Variants in TTBK1 observed in about 807,000 individuals in gnomAD.
TTBK1 encodes the protein tau-tubulin kinase 1.
Under a neutral mutation model 108.5 loss-of-function variants are expected in TTBK1, and 34 were observed. The observed-to-expected ratio is 0.31, with a 90% CI of 0.24 to 0.42. TTBK1 has a LOEUF of 0.42. Ranked by LOEUF, TTBK1 falls within the 10% of genes least tolerant of loss-of-function variation. The probability of loss-of-function intolerance (pLI) is 1.00; values close to 1 mark genes in which losing one functional copy is unlikely to be tolerated. For missense variants in TTBK1, 1,539 were observed against 1,826.0 expected, an observed-to-expected ratio of 0.84 and a Z score of 2.86; for synonymous variants, 809 against 795.1, an observed-to-expected ratio of 1.02 and a Z score of -0.29.
At chr6:43,260,314 C>G (rs1056900933) in intron 12 of TTBK1, among the ~76,000 whole-genome samples, 16 of 152,140 alleles carry the variant, frequency 1.1e-4, no homozygotes, top group Non-Finnish European at 2.9e-5. Flanking sequence ...GGCCCGGTCC[C>G]CATCTGTGCT....
intron 1 of TTBK1, among the ~76,000 whole-genome samples, chr6:43,245,042 G>A (rs918639064): frequency 3.9e-5 from 6 of 152,106 alleles, no homozygotes; most frequent in Admixed American, 1.3e-4. Context: ...GAGTGGCAGC[G>A]TCCCTCCCCA....
At chr6:43,275,815 T>G (rs1777968673) in intron 13 of TTBK1, among the ~76,000 whole-genome samples, 3 of 135,866 alleles carry the variant, frequency 2.2e-5, no homozygotes, top group African/African-American at 5.6e-5. Context: ...CCCCCGAAAA[T>G]AAAACTCAGG....
rs529715862 is a variant in TTBK1, at chr6:43,253,813, G to A, written c.471+105G>A. On this transcript the variant is annotated intron_variant, in intron 5 of 14. Coordinates refer to ENST00000259750, the MANE Select transcript of TTBK1 (RefSeq NM_032538.3). The surrounding 1 kb of genome is among the most constrained non-coding windows in gnomAD (Gnocchi z 5.8). ...TCCTCTGCAACCATGGTTGGGACTTGTGATGGGACAGCCTCTTCTCCCCAA... is the reference window on the plus strand; with the variant it reads ...TCCTCTGCAACCATGGTTGGGACTTATGATGGGACAGCCTCTTCTCCCCAA... 12 of 1,411,240 alleles carry A rather than the reference G, an allele frequency of 8.5e-6. No individual in the cohort carries two copies. The highest frequency in any genetic ancestry group is 7.5e-5 in the East Asian group (3 of 40,036). 87.4% of individuals were successfully genotyped at this position (1,411,240 alleles called of 1,614,324 possible).
chr6:43,283,895 C>T lies in TTBK1; in HGVS notation c.3155C>T (p.Pro1052Leu), dbSNP rs760305435. The T allele has an allele frequency of 2.5e-6, 4 of 1,612,138 alleles. No homozygotes were observed. In the South Asian group the frequency reaches 4.4e-5, roughly 18 times the overall value. Residue 1052 changes from proline (P) to leucine (L), a missense_variant, in exon 14 of 15, where the codon CCC becomes CTC. Around this residue, in one of 5 missense-constraint regions of TTBK1, gnomAD observed 1,055 missense variants for 1,086.5 expected, o/e 0.97. Coordinates refer to ENST00000259750, the MANE Select transcript of TTBK1 (RefSeq NM_032538.3). This position sits in a 1 kb window ranked among gnomAD's most constrained non-coding sequence, Gnocchi z 8.1. Reference sequence around the variant, plus strand: ...CGCCATGCTATGCCAGGCTCTCGCCCCAGGAGCCGTATCCCTGTCCTGCTC... The same window carrying T: ...CGCCATGCTATGCCAGGCTCTCGCCTCAGGAGCCGTATCCCTGTCCTGCTC... ...PRRHAMPGSR[P>L]RSRIPVLLSE...
chr6:43,285,457 C>T lies in TTBK1; in HGVS notation c.*81C>T. The T allele has an allele frequency of 1.6e-6, 2 of 1,232,520 alleles. No individual in the cohort carries two copies. The highest frequency in any genetic ancestry group is 2.0e-6 in the Non-Finnish European group (2 of 989,172). 76.3% of individuals were successfully genotyped at this position (1,232,520 alleles called of 1,614,324 possible). ...CCGGCCACACTGGAGCAGCTCCCAG[C>T]ACAGCCTTACGCGCCCGACGCGCGC... On this transcript the variant is annotated 3_prime_UTR_variant, in exon 15 of 15. Coordinates refer to ENST00000259750, the MANE Select transcript of TTBK1 (RefSeq NM_032538.3). The surrounding 1 kb of genome is among the most constrained non-coding windows in gnomAD (Gnocchi z 4.7).
intron 13 of TTBK1, chr6:43,271,924 C>G (rs1478636556): frequency 1.0e-6 from 1 of 984,026 alleles, no homozygotes; most frequent in Non-Finnish European, 1.2e-6. Context: ...ACCCAAGCCT[C>G]TGTTGCCCTC....
At position 43,283,741 on chromosome 6, in the gene TTBK1, G is replaced by T; in HGVS notation, c.3001G>T (p.Ala1001Ser). Reference protein sequence around the residue: ...AEIEGSALSGAPRETPSEMAT... With the variant: ...AEIEGSALSGSPRETPSEMAT... Reference sequence around the variant, plus strand: ...GATAGAGGGCTCTGCCCTGTCTGGGGCCCCCCGGGAAACCCCCTCAGAGAT... The same window carrying T: ...GATAGAGGGCTCTGCCCTGTCTGGGTCCCCCCGGGAAACCCCCTCAGAGAT... Residue 1001 changes from alanine to serine, a missense_variant, in exon 14 of 15, where the codon GCC (alanine) becomes TCC (serine). Physicochemically the swap from Ala to Ser is moderately conservative, Grantham distance 99 (BLOSUM62 1). This residue lies in a region of TTBK1 where 1,055 missense variants were observed against 1,086.5 expected (regional missense o/e 0.97). Transcript: ENST00000259750. This position sits in a 1 kb window ranked among gnomAD's most constrained non-coding sequence, Gnocchi z 8.1. 2 of 1,612,224 alleles carry T rather than the reference G, an allele frequency of 1.2e-6. No homozygotes were observed. Among genetic ancestry groups the T allele is most frequent in the South Asian group, 1.1e-5 (1 of 91,056 alleles).
rs1296644902 is a variant in TTBK1, at chr6:43,259,478, C to T, written c.1249-53C>T. On this transcript the variant is annotated intron_variant, in intron 11 of 14. Coordinates refer to ENST00000259750, the MANE Select transcript of TTBK1 (RefSeq NM_032538.3). The surrounding 1 kb of genome is among the most constrained non-coding windows in gnomAD (Gnocchi z 6.7). ...GTCTCCTTCACCCTGAGGAGACCAT[C>T]CGCCCACAGCCGCCTCATCAGCCCC... is the stretch of plus-strand genomic sequence containing the variant. The T allele has an allele frequency of 1.3e-6, 2 of 1,501,980 alleles. No individual in the cohort carries two copies. The highest frequency in any genetic ancestry group is 4.6e-5 in the East Asian group (2 of 43,284). 93.0% of individuals were successfully genotyped at this position (1,501,980 alleles called of 1,614,324 possible). A position where few individuals can be genotyped will look rare whatever the true frequency, so the allele number is the denominator to read the frequency against.
At position 43,283,282 on chromosome 6, in the gene TTBK1, C is replaced by T. The variant is rs777895068; in HGVS notation, c.2542C>T (p.Pro848Ser). The T allele has an allele frequency of 3.6e-5, 56 of 1,564,056 alleles. No homozygotes were observed. The highest frequency in any genetic ancestry group is 4.6e-5 in the Non-Finnish European group (53 of 1,154,506). Residue 848 changes from proline (P) to serine (S), a missense_variant, in exon 14 of 15, where the codon CCC (proline) becomes TCC (serine). Transcript: ENST00000259750. The surrounding 1 kb of genome is among the most constrained non-coding windows in gnomAD (Gnocchi z 8.1). ...LVSPGDMKKS[P>S]VTAELAPDPD... ...CTCTCCTGGCGACATGAAGAAGTCG[C>T]CCGTCACTGCCGAACTGGCCCCCGA...
At chr6:43,250,348 CTTT>C (rs555371314) in intron 2 of TTBK1, among the ~76,000 whole-genome samples, 11 of 89,112 alleles carry the variant, frequency 1.2e-4, no homozygotes, top group African/African-American at 1.3e-4. Flanking sequence ...CCTGGCTTTG[CTTT>C]TTTTTTTTTT....
At chr6:43,262,618 T>C (rs1777571418) in intron 12 of TTBK1, among the ~76,000 whole-genome samples, 171 bp from the exon 13 acceptor site, 1 of 152,096 alleles carries the variant, frequency 6.6e-6, no homozygotes, top group African/African-American at 2.4e-5. Context: ...AAAGCCTTGA[T>C]AGGAAGTGAG....
Position 43,280,012 on chromosome 6 carries a change from A to G in TTBK1, c.1987-2715A>G, listed in dbSNP as rs146135690. On this transcript the variant is annotated intron_variant, in intron 13 of 14. Coordinates refer to ENST00000259750, the MANE Select transcript of TTBK1 (RefSeq NM_032538.3). The stretch of plus-strand genomic sequence containing the variant: ...AGCCAGGTAGGGAGCTTTCTGAGAA[A>G]GCTTTCTAAGAAAACTTTCTAACTA... Among the ~76,000 whole-genome samples the G allele has an allele frequency of 2.7e-3, 409 of 152,054 alleles. 2 individuals carry two copies. Among genetic ancestry groups the G allele is most frequent in the African/African-American group, 9.4e-3 (389 of 41,504 alleles).
chr6:43,260,522 C>A (rs1483058319), intron 12 of TTBK1, among the ~76,000 whole-genome samples: 1 of 152,216 alleles, frequency 6.6e-6, no homozygotes, highest in Non-Finnish European at 1.5e-5. Flanking sequence ...TCCTTGTGAG[C>A]AACCTCAGTC....
intron 12 of TTBK1, among the ~76,000 whole-genome samples, chr6:43,261,550 C>A (rs544478996): frequency 6.6e-6 from 1 of 151,886 alleles, no homozygotes; most frequent in Admixed American, 6.6e-5. Context: ...AACAGTGGCT[C>A]GCGTCTGTAA....
At chr6:43,262,657 G>A in intron 12 of TTBK1, 132 bp from the exon 13 acceptor site, 5 of 794,020 alleles carry the variant, frequency 6.3e-6, no homozygotes, top group Non-Finnish European at 9.4e-6. Context: ...AGAGGTAACT[G>A]GCCTGGCTCA....
intron 13 of TTBK1, among the ~76,000 whole-genome samples, chr6:43,281,301 G>A (rs181296427): frequency 8.6e-4 from 131 of 151,796 alleles, no homozygotes; most frequent in Middle Eastern, 6.9e-3. Context: ...ACTTGAACCC[G>A]GGAGGCAGAG....
Position 43,259,348 on chromosome 6 carries a change from C to A in TTBK1, c.1248+79C>A. The A allele has an allele frequency of 7.4e-7, 1 of 1,351,882 alleles. No individual in the cohort carries two copies. Among genetic ancestry groups the A allele is most frequent in the Non-Finnish European group, 1.0e-6 (1 of 996,302 alleles). 83.7% of individuals were successfully genotyped at this position (1,351,882 alleles called of 1,614,324 possible). On this transcript the variant is annotated intron_variant, in intron 11 of 14. Coordinates refer to ENST00000259750, the MANE Select transcript of TTBK1 (RefSeq NM_032538.3). The surrounding 1 kb of genome is among the most constrained non-coding windows in gnomAD (Gnocchi z 6.7). ...CCCAGCCTTGTGCCCCTGCCCTGTT[C>A]CTCCTAAGCACCCTGTCCCCGGCCA...
intron 13 of TTBK1, chr6:43,271,922 C>A: frequency 1.0e-6 from 1 of 984,150 alleles, no homozygotes; most frequent in Non-Finnish European, 1.2e-6. Flanking sequence ...AAACCCAAGC[C>A]TCTGTTGCCC....
At chr6:43,278,670 C>G (rs2651193) in intron 13 of TTBK1, among the ~76,000 whole-genome samples, 73,683 of 152,114 alleles carry the variant, frequency 0.48, 20,884 homozygotes, top group African/African-American at 0.8. Flanking sequence ...TAAAGAGCCA[C>G]GCACACTGAC....
Sources: allele counts gnomAD v4.1 joint callset (sites outside exome capture counted in the v4.1 genomes callset), GRCh38; gene constraint gnomAD v4.1.1; regional missense constraint gnomAD v4.1.1; non-coding constraint Gnocchi (gnomAD v3.1); transcripts MANE v1.5; gene names NCBI Gene and HGNC (gene_info 2026-07-23, HGNC 2026-07-21).